TNRC6B: variants seen among roughly 807,000 people sequenced by gnomAD.
The protein encoded by TNRC6B is trinucleotide repeat containing adaptor 6B, also known as trinucleotide repeat-containing gene 6B protein.
A neutral mutation model predicts 203.6 loss-of-function variants in TNRC6B; 52 were observed. The observed-to-expected ratio is 0.26, with a 90% confidence interval of 0.20 to 0.32. TNRC6B has a LOEUF of 0.32. Among genes scored for constraint, TNRC6B ranks in the 10% least tolerant of loss-of-function variants. TNRC6B has a pLI of 1.00. For missense variants in TNRC6B, 1,923 were observed against 2,286.2 expected (o/e 0.84, Z 3.24); for synonymous variants, 838 against 845.7 (o/e 0.99, Z 0.16).
At chr22:40,162,126 C>T (rs1414944667) in intron 4 of TNRC6B, among the ~76,000 whole-genome samples, 1 of 152,064 alleles carries the variant, frequency 6.6e-6, no homozygotes, top group African/African-American at 2.4e-5. Flanking sequence ...GACAGAGTTT[C>T]GCTCTTGTTG....
At chr22:40,117,676 C>T (rs1027219475) in intron 2 of TNRC6B, among the ~76,000 whole-genome samples, 3 of 151,878 alleles carry the variant, frequency 2.0e-5, no homozygotes, top group African/African-American at 7.3e-5. Context: ...GGCTTTGTGC[C>T]TTGGTTGATG....
intron 1 of TNRC6B, among the ~76,000 whole-genome samples, chr22:40,082,828 T>C (rs1400778297): frequency 1.3e-5 from 2 of 152,166 alleles, no homozygotes; most frequent in Admixed American, 1.3e-4. Flanking sequence ...AATTCTGGCT[T>C]GAAAGCTGTA....
At chr22:40,145,052 C>A (rs2068679262) in intron 3 of TNRC6B, among the ~76,000 whole-genome samples, 1 of 141,276 alleles carries the variant, frequency 7.1e-6, no homozygotes. Context: ...GGCAGAGAGA[C>A]CCTATCTAGC....
chr22:40,201,586 C>T (rs1268239089), intron 1 of TNRC6B, among the ~76,000 whole-genome samples: 3 of 151,788 alleles, frequency 2.0e-5, no homozygotes, highest in Non-Finnish European at 4.4e-5. Flanking sequence ...CAGGCGTACT[C>T]TACTACACCT....
chr22:40,318,869 C>T (rs540870462), intron 21 of TNRC6B, among the ~76,000 whole-genome samples: 136 of 151,958 alleles, frequency 8.9e-4, no homozygotes, highest in African/African-American at 3.2e-3. Flanking sequence ...TCAGGAGTTC[C>T]AGACCAGCCT....
rs189301269 is a variant in TNRC6B at position 40,238,049 on chromosome 22, C to T, written c.6-7966C>T. Reference sequence around the variant, plus strand: ...CGTTGTTTTGAGGCTGTTCTTTAAACGCATCTCCCCCGGGAGGGTAGAAAG... The same window carrying T: ...CGTTGTTTTGAGGCTGTTCTTTAAATGCATCTCCCCCGGGAGGGTAGAAAG... On this transcript the variant is annotated intron_variant, in intron 1 of 22. Transcript: ENST00000454349. Among the ~76,000 whole-genome samples, 888 of 152,222 alleles carry T rather than the reference C, an allele frequency of 5.8e-3. 5 individuals carry two copies. The highest frequency in any genetic ancestry group is 0.021 in the African/African-American group (858 of 41,510).
intron 1 of TNRC6B, among the ~76,000 whole-genome samples, chr22:40,080,487 T>C (rs2146288516): frequency 6.6e-6 from 1 of 152,340 alleles, no homozygotes; most frequent in African/African-American, 2.4e-5. Flanking sequence ...GTCACTCTGC[T>C]ATTTAAACAC....
intron 3 of TNRC6B, among the ~76,000 whole-genome samples, chr22:40,258,071 CTTTTTTTTTT>C (rs56078653): frequency 8.7e-4 from 25 of 28,714 alleles, no homozygotes; most frequent in African/African-American, 1.9e-3. Context: ...GATACACAGC[CTTTTTTTTTT>C]TTTTTTTTTT....
At chr22:40,251,771 CTT>C (rs997182526) in intron 3 of TNRC6B, among the ~76,000 whole-genome samples, 1 of 151,376 alleles carries the variant, frequency 6.6e-6, no homozygotes, top group African/African-American at 2.4e-5. Context: ...CTTTTCAAAA[CTT>C]TTTTTAAAGA....
chr22:40,044,836 T>C (rs1011884756), exon 1 of TNRC6B: 18 of 152,292 alleles, frequency 1.2e-4, no homozygotes, highest in African/African-American at 4.1e-4. Flanking sequence ...TTGTTTTTAG[T>C]TTTTGGGGTC....
In TNRC6B at chr22:40,277,983, G is replaced by A; in HGVS notation, c.3217-16G>A. On this transcript the variant is annotated splice_polypyrimidine_tract_variant and intron_variant, in intron 8 of 22. Coordinates refer to ENST00000454349, the MANE Select transcript of TNRC6B (RefSeq NM_001162501.2). ...GTGCATCCTTAATTCTCTCTCATCT[G>A]TTCTTTATTTTCCAGAGTCAGACTG... 6.5e-7 allele frequency: 1 copy of A among 1,546,154 alleles called. No homozygotes were observed. Among genetic ancestry groups the A allele is most frequent in the Non-Finnish European group, 8.8e-7 (1 of 1,138,900 alleles).
chr22:40,167,340 T>C (rs2068928597), intron 4 of TNRC6B, among the ~76,000 whole-genome samples: 1 of 152,086 alleles, frequency 6.6e-6, no homozygotes, highest in Admixed American at 6.6e-5. Flanking sequence ...ACAGATACTA[T>C]TAATATATAA....
chr22:40,239,032 G>A (rs766996101), intron 1 of TNRC6B, among the ~76,000 whole-genome samples: 25 of 152,084 alleles, frequency 1.6e-4, no homozygotes, highest in African/African-American at 3.1e-4. Context: ...GTGAGACCCC[G>A]TCTCTACTAA....
At chr22:40,055,692 A>G (rs115154525) in intron 1 of TNRC6B, among the ~76,000 whole-genome samples, 2 of 152,290 alleles carry the variant, frequency 1.3e-5, no homozygotes, top group African/African-American at 4.8e-5. Flanking sequence ...TAACCATGCA[A>G]ATGATGTTAG....
At chr22:40,289,998 G>A (rs930546356) in intron 12 of TNRC6B, among the ~76,000 whole-genome samples, 5 of 152,148 alleles carry the variant, frequency 3.3e-5, no homozygotes, top group Non-Finnish European at 7.3e-5. Flanking sequence ...TCCAAAAGCG[G>A]ATCCTTTTTT....
chr22:40,277,566 C>T (rs953074161), intron 8 of TNRC6B, among the ~76,000 whole-genome samples: 2 of 152,198 alleles, frequency 1.3e-5, no homozygotes, highest in Admixed American at 6.5e-5. Flanking sequence ...CTCTCGGCAA[C>T]GTTGTGGGGA....
intron 1 of TNRC6B, among the ~76,000 whole-genome samples, chr22:40,056,084 A>T (rs1420759685): frequency 6.6e-6 from 1 of 151,776 alleles, no homozygotes. Context: ...CCTCCTATCC[A>T]TTTTTCTCTC....
chr22:40,298,685 G>T (rs1255589782), intron 12 of TNRC6B, among the ~76,000 whole-genome samples: 1 of 152,164 alleles, frequency 6.6e-6, no homozygotes, highest in Non-Finnish European at 1.5e-5. Flanking sequence ...GCAGAGCTGG[G>T]GCCGGGCGCG....
At chr22:40,158,697 A>G (rs2068842242) in intron 4 of TNRC6B, among the ~76,000 whole-genome samples, 1 of 152,104 alleles carries the variant, frequency 6.6e-6, no homozygotes, top group Non-Finnish European at 1.5e-5. Flanking sequence ...CAAGTCTCAT[A>G]CTGCCTGGCC....
Sources: allele counts gnomAD v4.1 joint callset (sites outside exome capture counted in the v4.1 genomes callset), GRCh38; gene constraint gnomAD v4.1.1; transcripts MANE v1.5; gene names NCBI Gene and HGNC (gene_info 2026-07-23, HGNC 2026-07-21).